The following FGF14 variants were observed in gnomAD, a reference collection of about 807,000 sequenced individuals.
The protein encoded by FGF14 is fibroblast growth factor homologous factor 4.
In FGF14, 5 loss-of-function variants were observed where a neutral mutation model predicts 25.5. The observed-to-expected ratio is 0.20, with a 90% confidence interval of 0.10 to 0.41. The LOEUF (loss-of-function observed/expected upper bound fraction) is 0.41, where lower values mean the gene tolerates loss of function less well. Among genes scored for constraint, FGF14 ranks in the 10% least tolerant of loss-of-function variants. FGF14 has a pLI of 1.00. For synonymous variants in FGF14, 138 were observed against 118.3 expected (o/e 1.17, Z -1.08); for missense variants, 222 against 320.1 (o/e 0.69, Z 2.34).
chr13:101,800,409 C>A (rs1414670298), intron 3 of FGF14, among the ~76,000 whole-genome samples: 1 of 152,032 alleles, frequency 6.6e-6, no homozygotes, highest in Non-Finnish European at 1.5e-5. Flanking sequence ...TGATAATATT[C>A]ATATAAAATA....
intron 1 of FGF14, among the ~76,000 whole-genome samples, chr13:102,211,801 A>G (rs1251270500): frequency 6.6e-6 from 1 of 152,230 alleles, no homozygotes; most frequent in African/African-American, 2.4e-5. Context: ...ATAATTTGCC[A>G]AACAGAGCAG....
intron 3 of FGF14, among the ~76,000 whole-genome samples, chr13:101,783,169 T>C (rs944314392): frequency 3.9e-5 from 6 of 152,118 alleles, no homozygotes; most frequent in African/African-American, 9.7e-5. Context: ...GGTGCATGTA[T>C]GCCTTCTTTT....
chr13:101,766,879 A>G (rs906003199), intron 3 of FGF14, among the ~76,000 whole-genome samples: 4 of 152,130 alleles, frequency 2.6e-5, no homozygotes, highest in Non-Finnish European at 5.9e-5. Flanking sequence ...CCTGGGAATG[A>G]GGAGAGAGGC....
intron 1 of FGF14, among the ~76,000 whole-genome samples, chr13:102,243,332 A>G (rs1217927580): frequency 6.6e-6 from 1 of 152,114 alleles, no homozygotes; most frequent in Non-Finnish European, 1.5e-5. Flanking sequence ...TCTGCCTTTT[A>G]ATGCCACCTT....
intron 1 of FGF14, among the ~76,000 whole-genome samples, chr13:102,369,103 G>C (rs921186067): frequency 1.3e-5 from 2 of 152,060 alleles, no homozygotes; most frequent in African/African-American, 4.8e-5. Flanking sequence ...TGCAAAACTG[G>C]AATCATTGGC....
chr13:102,335,845 C>T (rs1013917788), intron 1 of FGF14, among the ~76,000 whole-genome samples: 4 of 152,106 alleles, frequency 2.6e-5, no homozygotes, highest in African/African-American at 9.7e-5. Flanking sequence ...ATTGTTATAT[C>T]TGTTATAGTA....
chr13:102,231,377 G>A (rs530560476), intron 1 of FGF14, among the ~76,000 whole-genome samples: 1 of 152,248 alleles, frequency 6.6e-6, no homozygotes, highest in African/African-American at 2.4e-5. Flanking sequence ...AATATTCTTT[G>A]TGAACAGCAG....
At chr13:102,205,058 C>T (rs906174709) in intron 1 of FGF14, among the ~76,000 whole-genome samples, 1 of 152,114 alleles carries the variant, frequency 6.6e-6, no homozygotes, top group African/African-American at 2.4e-5. Context: ...CCACTTGGCC[C>T]CATCTTGAGA....
chr13:101,994,173 A>G (rs2039057108), intron 1 of FGF14, among the ~76,000 whole-genome samples: 1 of 152,096 alleles, frequency 6.6e-6, no homozygotes, highest in South Asian at 2.1e-4. Context: ...GTGCAAATAA[A>G]GATAAAGAGA....
At chr13:102,196,905 C>T (rs1371703461) in intron 1 of FGF14, among the ~76,000 whole-genome samples, 2 of 150,350 alleles carry the variant, frequency 1.3e-5, no homozygotes, top group African/African-American at 5.0e-5. Context: ...TGACTGTTAC[C>T]AGTGGTTTAT....
intron 1 of FGF14, among the ~76,000 whole-genome samples, chr13:102,250,159 C>G (rs1228666945): frequency 6.6e-6 from 1 of 152,128 alleles, no homozygotes; most frequent in Non-Finnish European, 1.5e-5. Context: ...CAGAAAGAAA[C>G]AGAGCTAGGT....
intron 3 of FGF14, among the ~76,000 whole-genome samples, chr13:101,837,996 C>G (rs60021648): frequency 0.036 from 5,426 of 151,980 alleles, 334 homozygotes; most frequent in African/African-American, 0.13. Context: ...GTGTCCTTCT[C>G]CCATGGTGCT....
rs189772196 is a variant in FGF14 at position 102,282,309 on chromosome 13, G to A, written c.208+119162C>T. Among the ~76,000 whole-genome samples the A allele has an allele frequency of 2.8e-3, 432 of 152,012 alleles. 5 individuals are homozygous for A. Among genetic ancestry groups the A allele is most frequent in the African/African-American group, 9.9e-3 (409 of 41,484 alleles). On this transcript the variant is annotated intron_variant, in intron 1 of 4. Coordinates refer to the FGF14 transcript ENST00000376131. ...TCGAACTCCCAACCTCAGGTGATCC[G>A]CCCACCTTGGCCTCCCAAAGTGCTG...
At chr13:102,223,428 C>CA (rs1226622186) in intron 1 of FGF14, among the ~76,000 whole-genome samples, 6 of 152,166 alleles carry the variant, frequency 3.9e-5, no homozygotes, top group Non-Finnish European at 8.8e-5. Context: ...CCCCTGGGAT[C>CA]ACTGCAAGTA....
chr13:102,247,109 TA>T (rs2051913922), intron 1 of FGF14, among the ~76,000 whole-genome samples: 1 of 152,038 alleles, frequency 6.6e-6, no homozygotes, highest in Admixed American at 6.6e-5. Context: ...AATTTAAATA[TA>T]AAATCAAAAA....
chr13:102,351,298 A>C (rs906594266), intron 1 of FGF14, among the ~76,000 whole-genome samples: 1 of 152,104 alleles, frequency 6.6e-6, no homozygotes, highest in Non-Finnish European at 1.5e-5. Context: ...GAAAAAAAAA[A>C]CGATCTTCTT....
At chr13:101,891,715 T>C (rs2029862217) in intron 1 of FGF14, among the ~76,000 whole-genome samples, 1 of 152,128 alleles carries the variant, frequency 6.6e-6, no homozygotes, top group African/African-American at 2.4e-5. Flanking sequence ...AATATACATA[T>C]GTATACACAC....
intron 1 of FGF14, among the ~76,000 whole-genome samples, chr13:102,184,688 A>T (rs752537454): frequency 1.3e-5 from 2 of 152,152 alleles, no homozygotes; most frequent in Admixed American, 6.6e-5. Context: ...AATTAACAAG[A>T]ACATCCGTGT....
At chr13:102,173,753 T>G (rs2048334703) in intron 1 of FGF14, among the ~76,000 whole-genome samples, 1 of 152,120 alleles carries the variant, frequency 6.6e-6, no homozygotes, top group African/African-American at 2.4e-5. Context: ...TTCACTTTGA[T>G]GAGTTATCTA....
Sources: gnomAD v4.1 joint callset for allele counts (sites outside exome capture counted in the v4.1 genomes callset) on GRCh38, gnomAD v4.1.1 for gene constraint, MANE v1.5 for transcripts, NCBI Gene and HGNC (gene_info 2026-07-23, HGNC 2026-07-21) for gene names.